The following WDPCP variants were observed in gnomAD, a reference collection of about 807,000 sequenced individuals.
WDPCP encodes the protein WD repeat-containing and planar cell polarity effector protein fritz homolog.
In WDPCP, 71 loss-of-function variants were observed where a neutral mutation model predicts 93.1. The observed-to-expected ratio is 0.76, with a 90% CI of 0.63 to 0.93. WDPCP has a LOEUF of 0.93. Among genes scored for constraint, WDPCP ranks in the 40% least tolerant of loss-of-function variants. WDPCP has a pLI of 0.00. For missense variants in WDPCP, 844 were observed against 887.4 expected (o/e 0.95, Z 0.62); for synonymous variants, 315 against 315.0 (o/e 1.00, Z 0.00).
At chr2:63,694,893 T>C (rs1415908223) in intron 2 of WDPCP, among the ~76,000 whole-genome samples, 1 of 152,138 alleles carries the variant, frequency 6.6e-6, no homozygotes, top group African/African-American at 2.4e-5. Flanking sequence ...CTGATTAGAC[T>C]GAGAAGGGTT....
chr2:63,815,400 G>A (rs1243686072), intron 1 of WDPCP, among the ~76,000 whole-genome samples: 1 of 152,126 alleles, frequency 6.6e-6, no homozygotes, highest in Non-Finnish European at 1.5e-5. Context: ...AGCTGGAATT[G>A]TTCTACATTA....
At chr2:63,789,382 G>C (rs1476933849) in intron 2 of WDPCP, among the ~76,000 whole-genome samples, 1 of 152,144 alleles carries the variant, frequency 6.6e-6, no homozygotes. Flanking sequence ...CCTTTGCCCA[G>C]TGCCTGGCTC....
intron 15 of WDPCP, among the ~76,000 whole-genome samples, chr2:63,163,494 A>T (rs1272634195): frequency 6.6e-6 from 1 of 152,206 alleles, no homozygotes; most frequent in African/African-American, 2.4e-5. Flanking sequence ...AAGCTACCTT[A>T]AGAGCTCAAC....
intron 10 of WDPCP, among the ~76,000 whole-genome samples, chr2:63,397,174 G>A (rs1245030916): frequency 4.6e-5 from 7 of 152,108 alleles, no homozygotes; most frequent in Admixed American, 1.3e-4. Flanking sequence ...TGACAGTGAC[G>A]CTGAATTGAA....
chr2:63,385,336 T>C (rs1183409383), intron 10 of WDPCP, among the ~76,000 whole-genome samples: 4 of 152,092 alleles, frequency 2.6e-5, no homozygotes, highest in Admixed American at 6.6e-5. Context: ...TTAGATAAGA[T>C]GATGTAACAC....
intron 2 of WDPCP, among the ~76,000 whole-genome samples, chr2:63,770,904 A>T (rs1670215736): frequency 6.6e-6 from 1 of 151,794 alleles, no homozygotes; most frequent in African/African-American, 2.4e-5. Flanking sequence ...TTCTTGTTTT[A>T]AAAAAAATTA....
At chr2:63,586,432 C>T (rs1243297021) in intron 1 of WDPCP, among the ~76,000 whole-genome samples, 1 of 152,180 alleles carries the variant, frequency 6.6e-6, no homozygotes, top group African/African-American at 2.4e-5. Flanking sequence ...CATTCACAAA[C>T]CACCTGGAGA....
At chr2:63,380,716 G>C (rs1222587530) in intron 11 of WDPCP, among the ~76,000 whole-genome samples, 1 of 151,978 alleles carries the variant, frequency 6.6e-6, no homozygotes, top group Non-Finnish European at 1.5e-5. Context: ...GAGTGAGACT[G>C]TCTCTAAATA....
chr2:63,722,504 T>A (rs1291933334), intron 2 of WDPCP, among the ~76,000 whole-genome samples: 2 of 128,474 alleles, frequency 1.6e-5, no homozygotes, highest in Admixed American at 7.7e-5. Flanking sequence ...AGCCGCCCCG[T>A]CTGGGAAGTG....
chr2:63,415,565 G>C (rs1211832327), intron 9 of WDPCP, among the ~76,000 whole-genome samples: 1 of 152,128 alleles, frequency 6.6e-6, no homozygotes, highest in East Asian at 1.9e-4. Flanking sequence ...GGTATAAATT[G>C]CACCTGGTCC....
rs1028881127 is a variant in WDPCP, at chr2:63,563,583, A to G, written c.75+24614T>C. Among the ~76,000 whole-genome samples the G allele has an allele frequency of 3.0e-4, 46 of 152,064 alleles. 1 individual carries two copies. Among genetic ancestry groups the G allele is most frequent in the Non-Finnish European group, 8.8e-5 (6 of 68,006 alleles). On this transcript the variant is annotated intron_variant, in intron 1 of 17. Transcript: ENST00000272321. Reference sequence around the variant, plus strand: ...ATGGGGAATGACTACTAATGCATATAGGCCTGCTTTTTGGGTTGATAAAAA... The same window carrying G: ...ATGGGGAATGACTACTAATGCATATGGGCCTGCTTTTTGGGTTGATAAAAA...
intron 1 of WDPCP, among the ~76,000 whole-genome samples, chr2:63,537,853 C>A (rs1377270252): frequency 6.6e-6 from 1 of 152,128 alleles, no homozygotes; most frequent in Non-Finnish European, 1.5e-5. Context: ...GCAACTTGAG[C>A]CATAACAGGT....
chr2:63,772,687 A>G (rs773630628), intron 2 of WDPCP, among the ~76,000 whole-genome samples: 1 of 152,074 alleles, frequency 6.6e-6, no homozygotes, highest in Non-Finnish European at 1.5e-5. Flanking sequence ...GATATCAACT[A>G]TATCAATTCA....
intron 3 of WDPCP, among the ~76,000 whole-genome samples, chr2:63,629,777 C>T (rs973558235): frequency 3.3e-5 from 5 of 152,326 alleles, no homozygotes; most frequent in Admixed American, 1.3e-4. Flanking sequence ...GGCAATAAAG[C>T]GGTGGTGCCC....
At chr2:63,439,702 T>A in intron 7 of WDPCP, 55 bp downstream of exon 7, 1 of 1,492,940 alleles carries the variant, frequency 6.7e-7, no homozygotes, top group Non-Finnish European at 9.3e-7. Flanking sequence ...TGACACACTA[T>A]TTCTCCTGCC....
intron 12 of WDPCP, among the ~76,000 whole-genome samples, chr2:63,318,997 C>G (rs1453677167): frequency 6.6e-6 from 1 of 152,106 alleles, no homozygotes; most frequent in Non-Finnish European, 1.5e-5. Context: ...GAAGACATAT[C>G]ATCTAAAAAG....
At chr2:63,207,672 T>A (rs1352688421) in intron 14 of WDPCP, among the ~76,000 whole-genome samples, 1 of 152,218 alleles carries the variant, frequency 6.6e-6, no homozygotes, top group Non-Finnish European at 1.5e-5. Context: ...TTCATCTGAA[T>A]GCTCAGAGGA....
chr2:63,587,403 G>A (rs1317664713), intron 1 of WDPCP, among the ~76,000 whole-genome samples: 2 of 152,126 alleles, frequency 1.3e-5, no homozygotes, highest in African/African-American at 4.8e-5. Context: ...GATACAAGGA[G>A]AGTCATTCAG....
intron 2 of WDPCP, among the ~76,000 whole-genome samples, chr2:63,771,842 A>G (rs980894471): frequency 7.2e-5 from 11 of 151,976 alleles, no homozygotes; most frequent in African/African-American, 2.7e-4. Flanking sequence ...AATGGCCTCC[A>G]GCTGTATCCA....
Sources: gnomAD v4.1 joint callset for allele counts (sites outside exome capture counted in the v4.1 genomes callset) on GRCh38, gnomAD v4.1.1 for gene constraint, MANE v1.5 for transcripts, NCBI Gene and HGNC (gene_info 2026-07-23, HGNC 2026-07-21) for gene names.